The following NIPBL variants were observed in gnomAD, a reference collection of about 807,000 sequenced individuals.
NIPBL encodes NIPBL cohesin loading factor.
Under a neutral mutation model 321.8 loss-of-function variants are expected in NIPBL, and 19 were observed. That is an observed-to-expected ratio of 0.06 (90% confidence interval 0.04 to 0.09). The LOEUF is 0.09. NIPBL is among the 10% of genes least tolerant of loss of function. NIPBL has a pLI of 1.00. For synonymous variants in NIPBL, 1,106 were observed against 1,114.1 expected (o/e 0.99, Z 0.14); for missense variants, 2,210 against 3,327.0 (o/e 0.66, Z 8.26).
chr5:37,036,347 G>GTGTATATATATATA (rs767653666), intron 32 of NIPBL, 32 bp from the exon 33 acceptor site: 124 of 384,504 alleles, frequency 3.2e-4, no homozygotes, highest in African/African-American at 2.6e-3. Flanking sequence ...ATATATATAT[G>GTGTATATATATATA]TATATATATA....
chr5:37,012,113 C>T (rs1340692285), intron 21 of NIPBL, among the ~76,000 whole-genome samples: 2 of 149,096 alleles, frequency 1.3e-5, no homozygotes, highest in African/African-American at 4.9e-5. Flanking sequence ...TGTGAATTGA[C>T]TGTTTATATC....
chr5:36,888,437 A>C (rs1458594327), intron 1 of NIPBL, among the ~76,000 whole-genome samples: 1 of 152,040 alleles, frequency 6.6e-6, no homozygotes, highest in Non-Finnish European at 1.5e-5. Context: ...CTTTGTGTTT[A>C]TGTGTTTTGG....
intron 24 of NIPBL, among the ~76,000 whole-genome samples, chr5:37,018,927 A>G (rs1749305899): frequency 6.6e-6 from 1 of 151,984 alleles, no homozygotes; most frequent in African/African-American, 2.4e-5. Context: ...ACATGGTGAA[A>G]CCCTGTCTCT....
intron 1 of NIPBL, among the ~76,000 whole-genome samples, chr5:36,882,108 C>T (rs72734671): frequency 0.017 from 2,640 of 152,042 alleles, 32 homozygotes; most frequent in Middle Eastern, 0.041. Context: ...TATTCCAGAA[C>T]TGTTGCCAGT....
At position 37,059,053 on chromosome 5, in the gene NIPBL, T is replaced by C. The variant is rs1754390694; in HGVS notation, c.7573T>C (p.Cys2525Arg). 1.2e-6 allele frequency: 2 copies of C among 1,614,180 alleles called. No homozygotes were observed. Among genetic ancestry groups the C allele is most frequent in the Non-Finnish European group, 1.7e-6 (2 of 1,180,028 alleles). The change falls in exon 44 of 47, where the codon TGT (cysteine) becomes CGT (arginine). Residue 2525 changes from cysteine (C) to arginine (R), a missense_variant. Coordinates refer to ENST00000282516, the MANE Select transcript of NIPBL (RefSeq NM_133433.4). ...AGACGATATAAATTCAGTGATGAAATGTTTGCCAGAAAATTCAGCTCCTTT... is the reference window on the plus strand; with the variant it reads ...AGACGATATAAATTCAGTGATGAAACGTTTGCCAGAAAATTCAGCTCCTTT... ...SEDDINSVMK[C>R]LPENSAPLIE...
At chr5:36,910,772 CTAAATAATTATATAAGCTTGCA>C (rs1443429678) in intron 1 of NIPBL, among the ~76,000 whole-genome samples, 1 of 151,974 alleles carries the variant, frequency 6.6e-6, no homozygotes, top group Admixed American at 6.6e-5. Flanking sequence ...TGATCTATTG[CTAAATAATTATATAAGCTTGCA>C]TACTGACCCA....
rs749296628 is a variant in NIPBL at position 37,008,676 on chromosome 5, T to G, written c.4374T>G (p.Thr1458=). 255 of 1,606,298 alleles carry G rather than the reference T, an allele frequency of 1.6e-4. No homozygotes were observed. Among genetic ancestry groups the G allele is most frequent in the Non-Finnish European group, 2.0e-4 (235 of 1,173,184 alleles). Residue 1458 remains threonine (T), a synonymous_variant, in exon 20 of 47, where the codon ACT becomes ACG. Transcript: ENST00000282516. ...AGTTAATTTTGGAAGAAATTTTTAC[T>G]TCACTTGCAAGATTACCAACCAGCA... The part of the protein sequence containing the change: ...HRQLILEEIF[T]SLARLPTSKR...
intron 25 of NIPBL, 24 bp from the exon 26 acceptor site, chr5:37,020,435 C>T: frequency 6.7e-7 from 1 of 1,499,614 alleles, no homozygotes; most frequent in South Asian, 1.1e-5. Flanking sequence ...TCATCAAGCT[C>T]AAGTCTGTCT....
In NIPBL at chr5:36,932,282, A is replaced by C. The variant is rs531213697; in HGVS notation, c.-79-21336A>C. The stretch of plus-strand genomic sequence containing the variant: ...TCATTTTGGCTGATAGTGTTGCTGA[A>C]GTTTTTTACATCATTGTTAATTTTC... On this transcript the variant is annotated intron_variant, in intron 1 of 46. Transcript: ENST00000282516. 1.3e-3 allele frequency among the ~76,000 whole-genome samples: 196 copies of C among 152,248 alleles called. 2 individuals are homozygous for C. The highest frequency in any genetic ancestry group is 4.5e-3 in the African/African-American group (188 of 41,542).
At chr5:36,908,486 T>C (rs568541418) in intron 1 of NIPBL, among the ~76,000 whole-genome samples, 9 of 152,300 alleles carry the variant, frequency 5.9e-5, no homozygotes, top group African/African-American at 2.4e-5. Flanking sequence ...GTCAACCACT[T>C]ATTCCAAATT....
intron 1 of NIPBL, among the ~76,000 whole-genome samples, chr5:36,941,670 G>T (rs749156893): frequency 1.3e-5 from 2 of 152,052 alleles, no homozygotes; most frequent in Non-Finnish European, 2.9e-5. Context: ...TCTACTCTGG[G>T]ATATATGGCT....
chr5:37,019,441 A>T (rs758261498), intron 25 of NIPBL, 41 bp downstream of exon 25: 1 of 1,452,512 alleles, frequency 6.9e-7, no homozygotes, highest in East Asian at 2.3e-5. Context: ...CTACATGTTT[A>T]TTTAAATTGG....
chr5:37,020,995 A>G (rs1749562807), intron 27 of NIPBL, 118 bp downstream of exon 27: 2 of 855,316 alleles, frequency 2.3e-6, no homozygotes, highest in East Asian at 2.4e-5. Flanking sequence ...TCATAGATGT[A>G]GTATTTGTTT....
rs373925592 is a variant in NIPBL, at chr5:36,985,340, G to A, written c.2160G>A (p.Gly720=). The stretch of plus-strand genomic sequence containing the variant: ...AGACTCCAAAACAAAAGAGTGATGG[G>A]CATCCTGAAACCCCAAAACAGAAGG... ...RPETPKQKSD[G]HPETPKQKGD... The change falls in exon 10 of 47, where the codon GGG becomes GGA. Residue 720 remains glycine, a synonymous_variant. Coordinates refer to ENST00000282516, the MANE Select transcript of NIPBL (RefSeq NM_133433.4). 10 of 1,613,526 alleles carry A rather than the reference G, an allele frequency of 6.2e-6. No individual in the cohort carries two copies. The highest frequency in any genetic ancestry group is 1.7e-5 in the Admixed American group (1 of 59,830).
rs538290379 is a variant in NIPBL, at chr5:37,038,552, C to T, written c.5972-50C>T. 23 of 1,553,292 alleles carry T rather than the reference C, an allele frequency of 1.5e-5. No individual in the cohort carries two copies. The South Asian group carries it at 2.2e-4, about 15-fold the overall frequency. On this transcript the variant is annotated intron_variant, in intron 33 of 46. Transcript: ENST00000282516. ...ATTTAAATAATATTCTGTATAGTTTCCACTACCTTGTCATATTTTAGTGTC... is the reference window on the plus strand; with the variant it reads ...ATTTAAATAATATTCTGTATAGTTTTCACTACCTTGTCATATTTTAGTGTC...
At chr5:36,960,317 A>G (rs544774459) in intron 4 of NIPBL, among the ~76,000 whole-genome samples, 2 of 151,850 alleles carry the variant, frequency 1.3e-5, no homozygotes, top group African/African-American at 2.4e-5. Flanking sequence ...TTCAGGGGGG[A>G]AAAGCTTTTT....
chr5:37,035,080 A>G (rs984828165), intron 32 of NIPBL, among the ~76,000 whole-genome samples: 3 of 152,234 alleles, frequency 2.0e-5, no homozygotes, highest in African/African-American at 7.2e-5. Flanking sequence ...ACTTGAGCCC[A>G]AGAGTTTGAG....
chr5:36,913,665 GC>G (rs1268496821), intron 1 of NIPBL, among the ~76,000 whole-genome samples: 1 of 152,064 alleles, frequency 6.6e-6, no homozygotes, highest in Non-Finnish European at 1.5e-5. Flanking sequence ...GAGCCACTGT[GC>G]CCAGCTTAGT....
intron 3 of NIPBL, among the ~76,000 whole-genome samples, chr5:36,957,229 T>TG (rs1333360204): frequency 6.6e-6 from 1 of 152,188 alleles, no homozygotes; most frequent in African/African-American, 2.4e-5. Context: ...TATTGAAAAT[T>TG]GCTGCTGTGA....
Sources: gnomAD v4.1 joint callset for allele counts (sites outside exome capture counted in the v4.1 genomes callset) on GRCh38, gnomAD v4.1.1 for gene constraint, MANE v1.5 for transcripts, NCBI Gene and HGNC (gene_info 2026-07-23, HGNC 2026-07-21) for gene names.